KDM3B: variants seen among roughly 807,000 people sequenced by gnomAD.
KDM3B encodes the protein lysine demethylase 3B.
KDM3B carries 10 observed loss-of-function variants against 170.0 expected under a neutral mutation model. The ratio of observed to expected loss-of-function variants is 0.06; its 90% CI spans 0.04 to 0.10. The LOEUF (loss-of-function observed/expected upper bound fraction) is 0.10. Among genes scored for constraint, KDM3B ranks in the 10% least tolerant of loss-of-function variants. KDM3B has a pLI of 1.00. For synonymous variants in KDM3B, 831 were observed against 834.8 expected, an observed-to-expected ratio of 1.00 and a Z score of 0.08; for missense variants, 1,394 against 2,195.2, an observed-to-expected ratio of 0.64 and a Z score of 7.29.
chr5:138,358,702 C>A (rs1433176053), intron 1 of KDM3B, among the ~76,000 whole-genome samples: 1 of 151,996 alleles, frequency 6.6e-6, no homozygotes, highest in Admixed American at 6.6e-5. Context: ...TCAGTTGGTC[C>A]TCCTGCCTCA....
intron 18 of KDM3B, 53 bp downstream of exon 18, chr5:138,427,118 G>A: frequency 3.7e-6 from 6 of 1,606,712 alleles, no homozygotes; most frequent in Non-Finnish European, 4.3e-6. Flanking sequence ...AGTAATCACA[G>A]AAAAGTGAAA....
At chr5:138,394,958 G>C (rs1203212484) in intron 9 of KDM3B, among the ~76,000 whole-genome samples, 1 of 152,178 alleles carries the variant, frequency 6.6e-6, no homozygotes, top group African/African-American at 2.4e-5. Flanking sequence ...TGAATTAGAT[G>C]TGAAGTATGA....
At chr5:138,418,686 C>T (rs1232961602) in intron 13 of KDM3B, among the ~76,000 whole-genome samples, 4 of 152,174 alleles carry the variant, frequency 2.6e-5, no homozygotes, top group Non-Finnish European at 4.4e-5. Flanking sequence ...ATTACCAATT[C>T]ACCATTGCAG....
Position 138,435,771 on chromosome 5 carries a change from G to T in KDM3B, c.*71G>T, listed in dbSNP as rs1255755926. 1 of 1,230,058 alleles carries T rather than the reference G, an allele frequency of 8.1e-7. No individual in the cohort carries two copies. 76.2% of individuals were successfully genotyped at this position (1,230,058 alleles called of 1,614,324 possible). A position where few individuals can be genotyped will look rare whatever the true frequency, so the allele number is the denominator to read the frequency against. On this transcript the variant is annotated 3_prime_UTR_variant, in exon 24 of 24. Coordinates refer to ENST00000314358, the MANE Select transcript of KDM3B (RefSeq NM_016604.4). The stretch of plus-strand genomic sequence containing the variant: ...ACAACACTTAACAGGGAACGGCAGG[G>T]CTCTTTGCTGGAGCAGAGGCCCTTC...
Position 138,379,683 on chromosome 5 carries a change from G to A in KDM3B, c.680G>A (p.Arg227His), listed in dbSNP as rs755231178. The A allele has an allele frequency of 6.8e-6, 11 of 1,613,428 alleles. No individual in the cohort carries two copies. Among genetic ancestry groups the A allele is most frequent in the South Asian group, 4.4e-5 (4 of 90,950 alleles). ...GVVSHQDSIT[R>H]LMEVSVTESG... ...GTGAGCCATCAGGACTCCATCACTC[G>A]TCTTATGGAGGTGTCTGTAACTGAG... is the stretch of plus-strand genomic sequence containing the variant. The change falls in exon 5 of 24, where the codon CGT becomes CAT. Residue 227 changes from arginine (R) to histidine (H), a missense_variant. Arg to His is a conservative substitution (Grantham distance 29). Coordinates refer to ENST00000314358, the MANE Select transcript of KDM3B (RefSeq NM_016604.4).
At chr5:138,399,213 A>G (rs1321917610) in intron 10 of KDM3B, among the ~76,000 whole-genome samples, 1 of 151,500 alleles carries the variant, frequency 6.6e-6, no homozygotes, top group Non-Finnish European at 1.5e-5. Context: ...CAAGGGAGGA[A>G]TCCTCTTATT....
intron 17 of KDM3B, chr5:138,425,818 C>A: frequency 2.9e-6 from 1 of 340,478 alleles, no homozygotes; most frequent in Non-Finnish European, 5.4e-6. Flanking sequence ...CCAGCCTGGC[C>A]AACTTAGCGA....
At position 138,424,263 on chromosome 5, in the gene KDM3B, T is replaced by C. The variant is rs750747698; in HGVS notation, c.4161T>C (p.Asp1387=). 1 of 1,614,190 alleles carries C rather than the reference T, an allele frequency of 6.2e-7. No individual in the cohort carries two copies. Among genetic ancestry groups the C allele is most frequent in the Non-Finnish European group, 8.5e-7 (1 of 1,180,022 alleles). ...DPHTSHSWLC[D]GRLLCLHDPS... The stretch of plus-strand genomic sequence containing the variant: ...ATACTTCTCACTCCTGGCTTTGTGA[T>C]GGGAGGCTTCTGTGTCTCCATGACC... The change falls in exon 16 of 24, where the codon GAT becomes GAC. Residue 1387 remains aspartate, a synonymous_variant. Transcript: ENST00000314358.
intron 1 of KDM3B, among the ~76,000 whole-genome samples, chr5:138,362,787 G>T (rs1341456310): frequency 6.7e-6 from 1 of 148,368 alleles, no homozygotes; most frequent in Non-Finnish European, 1.5e-5. Context: ...TGTGCACAAC[G>T]TGCAGGTTTG....
chr5:138,366,016 T>C (rs899275464), intron 1 of KDM3B, among the ~76,000 whole-genome samples: 7 of 151,806 alleles, frequency 4.6e-5, no homozygotes, highest in African/African-American at 1.7e-4. Flanking sequence ...ATAAATAAAA[T>C]CTTTTTAAAA....
intron 14 of KDM3B, among the ~76,000 whole-genome samples, chr5:138,419,619 C>T (rs1317253827): frequency 1.4e-5 from 2 of 141,748 alleles, no homozygotes; most frequent in Admixed American, 1.5e-4. Context: ...CATGCCACTG[C>T]ACTCCAGCCT....
Position 138,431,418 on chromosome 5 carries a change from T to G in KDM3B, c.5071-7T>G. 6.3e-7 allele frequency: 1 copy of G among 1,586,988 alleles called. No homozygotes were observed. The highest frequency in any genetic ancestry group is 1.2e-5 in the South Asian group (1 of 85,956). On this transcript the variant is annotated splice_region_variant and splice_polypyrimidine_tract_variant and intron_variant, in intron 22 of 23. Transcript: ENST00000314358. ...GATATTTCTCCTCTGCACTTTGCCC[T>G]TCTCAGGTTCACAATCTATACAGTT... is the stretch of plus-strand genomic sequence containing the variant.
chr5:138,386,523 A>G lies in KDM3B; in HGVS notation c.1282A>G (p.Ser428Gly), dbSNP rs769886087. 1.2e-6 allele frequency: 2 copies of G among 1,614,108 alleles called. No homozygotes were observed. Among genetic ancestry groups the G allele is most frequent in the African/African-American group, 2.7e-5 (2 of 74,934 alleles). The change falls in exon 7 of 24, where the codon AGC becomes GGC. Residue 428 changes from serine (S) to glycine (G), a missense_variant. By Grantham distance (56) the Ser-to-Gly change is moderately conservative. This residue lies in a region of KDM3B where 205 missense variants were observed against 227.6 expected (regional missense o/e 0.90). Transcript: ENST00000314358. ...VASAAVVTTA[S>G]STPNTVRISD... ...TTCCGCAGCTGTGGTCACTACCGCC[A>G]GCTCCACCCCAAACACAGTGAGGAT...
chr5:138,428,400 C>T lies in KDM3B; in HGVS notation c.4753+314C>T, dbSNP rs185340410. Among the ~76,000 whole-genome samples the T allele has an allele frequency of 6.6e-5, 10 of 152,004 alleles. No individual in the cohort carries two copies. In the East Asian group the frequency reaches 1.9e-3, roughly 29 times the overall value. ...CTAATTTTTGTATTTTTAGTAGAGA[C>T]GGGTTTCGCCATGTTGGCCAGGCTG... On this transcript the variant is annotated intron_variant, in intron 20 of 23. Transcript: ENST00000314358.
At chr5:138,353,116 G>A in intron 1 of KDM3B, 129 bp downstream of exon 1, 5 of 783,934 alleles carry the variant, frequency 6.4e-6, no homozygotes, top group Non-Finnish European at 8.5e-6. Flanking sequence ...TCTCCTTAGC[G>A]CCCCCCGCCG....
intron 1 of KDM3B, among the ~76,000 whole-genome samples, chr5:138,360,942 C>T (rs1761592436): frequency 6.6e-6 from 1 of 152,170 alleles, no homozygotes; most frequent in African/African-American, 2.4e-5. Flanking sequence ...TCCCCACCTG[C>T]CAAGGGTTCA....
intron 10 of KDM3B, 117 bp from the exon 11 acceptor site, chr5:138,399,743 T>C (rs1289117575): frequency 1.2e-6 from 1 of 830,510 alleles, no homozygotes; most frequent in Non-Finnish European, 1.8e-6. Flanking sequence ...ACACAGACTT[T>C]ATGAATCTTT....
chr5:138,373,381 T>C (rs1761920915), intron 2 of KDM3B, among the ~76,000 whole-genome samples: 1 of 152,170 alleles, frequency 6.6e-6, no homozygotes, highest in African/African-American at 2.4e-5. Flanking sequence ...TTTTCACCTT[T>C]AGTCTTTTCT....
chr5:138,362,162 A>C (rs1761625073), intron 1 of KDM3B, among the ~76,000 whole-genome samples: 1 of 152,182 alleles, frequency 6.6e-6, no homozygotes, highest in East Asian at 1.9e-4. Context: ...TCTACTAAAA[A>C]ATACAAAAAT....
Sources: allele counts gnomAD v4.1 joint callset (sites outside exome capture counted in the v4.1 genomes callset), GRCh38; gene constraint gnomAD v4.1.1; regional missense constraint gnomAD v4.1.1; transcripts MANE v1.5; gene names NCBI Gene and HGNC (gene_info 2026-07-23, HGNC 2026-07-21).